Variants in LRP1B observed in about 807,000 individuals in gnomAD.
LRP1B encodes low-density lipoprotein receptor-related protein 1B.
LRP1B carries 217 observed loss-of-function variants against 556.6 expected under a neutral mutation model. The observed-to-expected ratio is 0.39, with a 90% CI of 0.35 to 0.44. LRP1B has a LOEUF of 0.44. LRP1B is among the 20% of genes least tolerant of loss of function. LRP1B has a pLI of 1.00. For missense variants in LRP1B, 5,053 were observed against 5,620.8 expected, an observed-to-expected ratio of 0.90 and a Z score of 3.23; for synonymous variants, 2,047 against 1,865.8, an observed-to-expected ratio of 1.10 and a Z score of -2.50.
chr2:141,103,189 A>T (rs1700509247), intron 7 of LRP1B, among the ~76,000 whole-genome samples: 1 of 152,080 alleles, frequency 6.6e-6, no homozygotes, highest in South Asian at 2.1e-4. Flanking sequence ...TTTAAGGATT[A>T]TATGATTCAC....
At chr2:140,960,775 T>C (rs923763048) in intron 18 of LRP1B, among the ~76,000 whole-genome samples, 27 of 151,976 alleles carry the variant, frequency 1.8e-4, no homozygotes, top group African/African-American at 5.8e-4. Flanking sequence ...AATATATGAT[T>C]ATTTACATAT....
chr2:140,700,379 C>T lies in LRP1B; in HGVS notation c.6670G>A (p.Val2224Ile), dbSNP rs2105420395. 1 of 1,613,402 alleles carries T rather than the reference C, an allele frequency of 6.2e-7. No homozygotes were observed. Among genetic ancestry groups the T allele is most frequent in the Non-Finnish European group, 8.5e-7 (1 of 1,179,610 alleles). Residue 2224 changes from valine (V) to isoleucine (I), a missense_variant, in exon 41 of 91, where the codon GTC (valine) becomes ATC (isoleucine). Val to Ile is a conservative substitution (Grantham distance 29). Coordinates refer to ENST00000389484, the MANE Select transcript of LRP1B (RefSeq NM_018557.3). ...PYENPRYFKN[V>I]IALAFDYNQR... Reference sequence around the variant, plus strand: ...TTATAGTCAAAAGCCAAGGCTATGACATTCTTGAAATAACGTGGATTCTCA... The same window carrying T: ...TTATAGTCAAAAGCCAAGGCTATGATATTCTTGAAATAACGTGGATTCTCA...
intron 2 of LRP1B, among the ~76,000 whole-genome samples, chr2:141,735,164 G>A (rs1693417937): frequency 6.7e-6 from 1 of 149,702 alleles, no homozygotes; most frequent in African/African-American, 2.4e-5. Flanking sequence ...TTGTTTGTTT[G>A]TTTGTTTGTT....
intron 84 of LRP1B, among the ~76,000 whole-genome samples, chr2:140,278,438 T>C (rs1682776635): frequency 6.6e-6 from 1 of 152,038 alleles, no homozygotes; most frequent in Non-Finnish European, 1.5e-5. Context: ...TTCTCATTTA[T>C]TTCGCTAACT....
intron 66 of LRP1B, among the ~76,000 whole-genome samples, chr2:140,391,279 A>G (rs1684007643): frequency 1.3e-5 from 2 of 152,192 alleles, no homozygotes; most frequent in South Asian, 4.1e-4. Flanking sequence ...TGAAAAAGTC[A>G]CAAGCAAAAT....
intron 77 of LRP1B, among the ~76,000 whole-genome samples, chr2:140,336,100 T>C (rs1398120015): frequency 6.6e-6 from 1 of 151,974 alleles, no homozygotes; most frequent in Non-Finnish European, 1.5e-5. Flanking sequence ...TCCAGAACCA[T>C]AGGAGGTTCA....
intron 66 of LRP1B, 66 bp from the exon 67 acceptor site, chr2:140,386,075 A>T (rs1266715110): frequency 1.1e-6 from 1 of 931,526 alleles, no homozygotes; most frequent in African/African-American, 1.7e-5. Flanking sequence ...CAACGTCCTC[A>T]CTGCCATGCC....
At chr2:141,907,975 C>T (rs1319887148) in intron 1 of LRP1B, among the ~76,000 whole-genome samples, 1 of 151,836 alleles carries the variant, frequency 6.6e-6, no homozygotes, top group African/African-American at 2.4e-5. Flanking sequence ...ACCTAATTGG[C>T]TAAATGGTGA....
intron 41 of LRP1B, among the ~76,000 whole-genome samples, chr2:140,676,915 C>T (rs6739610): frequency 0.94 from 143,262 of 152,298 alleles, 67,670 homozygotes; most frequent in Non-Finnish European, 0.98. Context: ...AAACAACATT[C>T]TAACTCTCTA....
intron 25 of LRP1B, among the ~76,000 whole-genome samples, chr2:140,874,534 C>A (rs12999130): frequency 0.13 from 20,482 of 151,892 alleles, 1,578 homozygotes; most frequent in Admixed American, 0.17. Flanking sequence ...GGTAACCAGT[C>A]TAACAGATTT....
Position 140,876,820 on chromosome 2 carries a change from C to A in LRP1B, c.4169+6997G>T, listed in dbSNP as rs79670889. ...ATGTGAAAAATATTTTTTTTTCTTGCTGCACTGTATACAAATAATCAGGCC... is the reference window on the plus strand; with the variant it reads ...ATGTGAAAAATATTTTTTTTTCTTGATGCACTGTATACAAATAATCAGGCC... On this transcript the variant is annotated intron_variant, in intron 25 of 90. Transcript: ENST00000389484. Among the ~76,000 whole-genome samples, 91 of 152,158 alleles carry A rather than the reference C, an allele frequency of 6.0e-4. 2 individuals carry two copies. In the East Asian group the frequency reaches 0.015, roughly 24 times the overall value.
chr2:141,967,224 T>A (rs1052228973), intron 1 of LRP1B, among the ~76,000 whole-genome samples: 1 of 151,954 alleles, frequency 6.6e-6, no homozygotes, highest in South Asian at 2.1e-4. Context: ...CAAAAATATA[T>A]GATTTAACTC....
At chr2:140,558,910 T>C (rs999225685) in intron 43 of LRP1B, among the ~76,000 whole-genome samples, 1 of 149,392 alleles carries the variant, frequency 6.7e-6, no homozygotes, top group Non-Finnish European at 1.5e-5. Context: ...CACTCCAGCC[T>C]GGGCAACAGA....
At chr2:141,887,078 C>A (rs2104905578) in intron 1 of LRP1B, among the ~76,000 whole-genome samples, 1 of 152,036 alleles carries the variant, frequency 6.6e-6, no homozygotes, top group Non-Finnish European at 1.5e-5. Context: ...TCACTGCAAC[C>A]TCCACCTGCC....
Position 141,634,242 on chromosome 2 carries a change from G to A in LRP1B, c.206-153709C>T, listed in dbSNP as rs139990214. ...GTTCTCTTTCCATAGAAATAATGTT[G>A]TAATTGGGGAACTGTATTCCTGAGC... On this transcript the variant is annotated intron_variant, in intron 2 of 90. Coordinates refer to ENST00000389484, the MANE Select transcript of LRP1B (RefSeq NM_018557.3). 2.7e-3 allele frequency among the ~76,000 whole-genome samples: 417 copies of A among 152,074 alleles called. 5 individuals are homozygous for A. In the Middle Eastern group the frequency reaches 0.037, roughly 14 times the overall value.
intron 60 of LRP1B, among the ~76,000 whole-genome samples, chr2:140,461,921 TCTG>T (rs1295855778): frequency 6.6e-6 from 1 of 152,154 alleles, no homozygotes; most frequent in Non-Finnish European, 1.5e-5. Flanking sequence ...ATCACCAAAT[TCTG>T]CTATTACTTT....
At chr2:140,327,657 C>T (rs961974279) in intron 79 of LRP1B, among the ~76,000 whole-genome samples, 2 of 151,908 alleles carry the variant, frequency 1.3e-5, no homozygotes, top group African/African-American at 4.8e-5. Flanking sequence ...AAACCTGTTC[C>T]CGGTAACATT....
At chr2:140,445,387 T>G (rs879593085) in intron 63 of LRP1B, among the ~76,000 whole-genome samples, 1 of 152,114 alleles carries the variant, frequency 6.6e-6, no homozygotes, top group African/African-American at 2.4e-5. Context: ...AGTTTTGGGA[T>G]TACAGGCGTG....
chr2:141,656,904 G>T (rs1690030687), intron 2 of LRP1B, among the ~76,000 whole-genome samples: 1 of 152,006 alleles, frequency 6.6e-6, no homozygotes, highest in African/African-American at 2.4e-5. Context: ...TAGAAGGTGG[G>T]CTTAGAAGCA....
Sources: allele counts gnomAD v4.1 joint callset (sites outside exome capture counted in the v4.1 genomes callset), GRCh38; gene constraint gnomAD v4.1.1; transcripts MANE v1.5; gene names NCBI Gene and HGNC (gene_info 2026-07-23, HGNC 2026-07-21).